VIL1: variants seen among roughly 807,000 people sequenced by gnomAD.
VIL1 encodes the protein villin-1.
A neutral mutation model predicts 104.0 loss-of-function variants in VIL1; 86 were observed. The observed-to-expected ratio is 0.83, with a 90% CI of 0.69 to 0.99. The LOEUF (loss-of-function observed/expected upper bound fraction) is 0.99, where lower values mean the gene tolerates loss of function less well. VIL1 is among the 50% of genes least tolerant of loss of function. The pLI is 0.00. For synonymous variants in VIL1, 394 were observed against 412.6 expected (o/e 0.95, Z 0.55); for missense variants, 944 against 1,054.1 (o/e 0.90, Z 1.45).
intron 14 of VIL1, 93 bp from the exon 15 acceptor site, chr2:218,435,196 C>T (rs1689167819): frequency 6.5e-7 from 1 of 1,536,868 alleles, no homozygotes. Flanking sequence ...CCCAGGAGAG[C>T]CCTCTTTGAC....
intron 3 of VIL1, among the ~76,000 whole-genome samples, 186 bp from the exon 4 acceptor site, chr2:218,425,429 G>A (rs1471875636): frequency 6.6e-6 from 1 of 152,200 alleles, no homozygotes; most frequent in Non-Finnish European, 1.5e-5. Flanking sequence ...GAGAGGAGAA[G>A]CCATGTCTCA....
intron 19 of VIL1, among the ~76,000 whole-genome samples, chr2:218,447,157 T>C (rs1239784557): frequency 3.3e-5 from 5 of 152,294 alleles, no homozygotes; most frequent in Admixed American, 3.3e-4. Context: ...ATATGGAAAT[T>C]AGATTCCTGC....
At chr2:218,423,095 G>A (rs759881114) in intron 1 of VIL1, among the ~76,000 whole-genome samples, 4 of 152,122 alleles carry the variant, frequency 2.6e-5, no homozygotes, top group Non-Finnish European at 5.9e-5. Flanking sequence ...TACAGCTACA[G>A]GTCCAAGCAA....
At chr2:218,420,428 C>CAAAAAAAA (rs71064447) in intron 1 of VIL1, among the ~76,000 whole-genome samples, 2 of 80,182 alleles carry the variant, frequency 2.5e-5, no homozygotes, top group African/African-American at 1.1e-4. Context: ...GACTCTGTCT[C>CAAAAAAAA]AAAAAAAAAA....
chr2:218,429,870 G>C lies in VIL1; in HGVS notation c.871G>C (p.Gly291Arg), dbSNP rs1333520583. The C allele has an allele frequency of 6.2e-7, 1 of 1,613,872 alleles. No homozygotes were observed. Among genetic ancestry groups the C allele is most frequent in the African/African-American group, 1.3e-5 (1 of 74,856 alleles). The part of the protein sequence containing the change: ...SHEDCYILDQ[G>R]GLKIYVWKGK... ...CTAGGACTGTTACATCCTGGACCAG[G>C]GGGGCCTGAAGATCTACGTGTGGAA... The change falls in exon 9 of 20, where the codon GGG becomes CGG. Residue 291 changes from glycine to arginine, a missense_variant. Transcript: ENST00000248444.
chr2:218,444,114 C>T (rs1398610991), intron 19 of VIL1, among the ~76,000 whole-genome samples: 4 of 151,850 alleles, frequency 2.6e-5, no homozygotes, highest in Non-Finnish European at 4.4e-5. Context: ...TACAGGCGTG[C>T]GCCACCATAC....
chr2:218,447,828 A>G (rs1254238564), intron 19 of VIL1, among the ~76,000 whole-genome samples: 1 of 152,048 alleles, frequency 6.6e-6, no homozygotes, highest in African/African-American at 2.4e-5. Context: ...CCTGGGTTCA[A>G]GCAATTCTCC....
chr2:218,436,533 C>A lies in VIL1; in HGVS notation c.1878C>A (p.Asn626Lys). 2.5e-6 allele frequency: 4 copies of A among 1,614,058 alleles called. No homozygotes were observed. Among genetic ancestry groups the A allele is most frequent in the Non-Finnish European group, 3.4e-6 (4 of 1,180,030 alleles). ...VITPRLFECSNKTGRFLATEI... is the reference protein window; with the variant it reads ...VITPRLFECSKKTGRFLATEI... ...CCCCCCGGCTCTTTGAGTGTTCCAA[C>A]AAGACTGGGCGCTTCCTGGCCACAG... Residue 626 changes from asparagine to lysine, a missense_variant, in exon 16 of 20, where the codon AAC (asparagine) becomes AAA (lysine). Physicochemically the swap from Asn to Lys is moderately conservative, Grantham distance 94. Transcript: ENST00000248444.
Position 218,436,510 on chromosome 2 carries a change from C to CCGG in VIL1, c.1856_1857insGGC (p.Pro619_Arg620insAla). On this transcript the variant is annotated inframe_insertion, in exon 16 of 20. Transcript: ENST00000248444. The stretch of plus-strand genomic sequence containing the variant: ...ACAGGAAGAAAACCTGGTCATCACC[C>CCGG]CCCGGCTCTTTGAGTGTTCCAACAA... 1 of 1,614,110 alleles carries CCGG rather than the reference C, an allele frequency of 6.2e-7. No homozygotes were observed. The highest frequency in any genetic ancestry group is 8.5e-7 in the Non-Finnish European group (1 of 1,180,014).
intron 6 of VIL1, among the ~76,000 whole-genome samples, chr2:218,429,075 C>T (rs1243216742): frequency 1.3e-5 from 2 of 152,234 alleles, no homozygotes; most frequent in Non-Finnish European, 2.9e-5. Flanking sequence ...ACCTCCCTGA[C>T]AGTGGGGAAA....
At chr2:218,434,021 A>AC (rs1478669321) in intron 13 of VIL1, among the ~76,000 whole-genome samples, 1 of 151,572 alleles carries the variant, frequency 6.6e-6, no homozygotes, top group African/African-American at 2.4e-5. Flanking sequence ...ACATGAAGAA[A>AC]CCCCGTCTCT....
chr2:218,431,489 C>A (rs888255229), intron 10 of VIL1, among the ~76,000 whole-genome samples: 2 of 152,160 alleles, frequency 1.3e-5, no homozygotes, highest in African/African-American at 4.8e-5. Context: ...CGGTGCCCAG[C>A]ACCTAGGAGA....
rs776722919 is a variant in VIL1 at position 218,429,840 on chromosome 2, C to T, written c.850-9C>T. 10 of 1,612,114 alleles carry T rather than the reference C, an allele frequency of 6.2e-6. No homozygotes were observed. Among genetic ancestry groups the T allele is most frequent in the South Asian group, 1.1e-5 (1 of 90,996 alleles). ...AGCTCCATCAGACTCTTACCTCTCCCGACTCTAGGACTGTTACATCCTGGA... is the reference window on the plus strand; with the variant it reads ...AGCTCCATCAGACTCTTACCTCTCCTGACTCTAGGACTGTTACATCCTGGA... On this transcript the variant is annotated splice_polypyrimidine_tract_variant and intron_variant, in intron 8 of 19. Coordinates refer to ENST00000248444, the MANE Select transcript of VIL1 (RefSeq NM_007127.3).
intron 1 of VIL1, among the ~76,000 whole-genome samples, chr2:218,421,204 C>T (rs1269910836): frequency 7.9e-5 from 12 of 151,960 alleles, no homozygotes; most frequent in Non-Finnish European, 1.8e-4. Context: ...GGGGTGGGGC[C>T]GCCAGCAGTG....
chr2:218,444,959 C>T (rs1689341323), intron 19 of VIL1, among the ~76,000 whole-genome samples: 1 of 152,108 alleles, frequency 6.6e-6, no homozygotes, highest in South Asian at 2.1e-4. Context: ...GCCAGCCTGG[C>T]TGGACCAGAG....
intron 18 of VIL1, among the ~76,000 whole-genome samples, 195 bp downstream of exon 18, chr2:218,438,921 TCTC>T (rs1689238553): frequency 7.3e-6 from 1 of 136,590 alleles, no homozygotes; most frequent in South Asian, 2.3e-4. Context: ...GTGAAATGGT[TCTC>T]AATTTTTTTT....
intron 17 of VIL1, 108 bp from the exon 18 acceptor site, chr2:218,438,550 A>T: frequency 2.0e-6 from 2 of 1,020,874 alleles, no homozygotes; most frequent in Non-Finnish European, 2.9e-6. Flanking sequence ...TTCCTTTCTT[A>T]CCACTAGGCC....
intron 10 of VIL1, chr2:218,431,113 C>T: frequency 1.7e-6 from 1 of 590,968 alleles, no homozygotes; most frequent in Non-Finnish European, 2.9e-6. Context: ...CTTTGGGAGG[C>T]TGAGGCGGGT....
At chr2:218,440,664 G>C (rs1689270669) in intron 18 of VIL1, 58 bp from the exon 19 acceptor site, 6 of 1,607,720 alleles carry the variant, frequency 3.7e-6, no homozygotes, top group Non-Finnish European at 5.1e-6. Flanking sequence ...GAGAAAGGCA[G>C]CCTGGGAGGT....
Sources: allele counts gnomAD v4.1 joint callset (sites outside exome capture counted in the v4.1 genomes callset), GRCh38; gene constraint gnomAD v4.1.1; transcripts MANE v1.5; gene names NCBI Gene and HGNC (gene_info 2026-07-23, HGNC 2026-07-21).